GPR18: variants seen among roughly 807,000 people sequenced by gnomAD.
The protein encoded by GPR18 is G protein-coupled receptor 18, also known as N-arachidonyl glycine receptor.
Under a neutral mutation model 22.8 loss-of-function variants are expected in GPR18, and 20 were observed. The ratio of observed to expected loss-of-function variants is 0.88; its 90% CI spans 0.62 to 1.28. GPR18 has a LOEUF of 1.28. GPR18 is among the 50% of genes most tolerant of loss of function. GPR18 has a pLI of 0.00. For synonymous variants in GPR18, 160 were observed against 155.3 expected (o/e 1.03, Z -0.22); for missense variants, 379 against 412.0 (o/e 0.92, Z 0.69).
Position 99,255,161 on chromosome 13 carries a change from G to A in GPR18, c.712C>T (p.Leu238=), listed in dbSNP as rs1212467314. The A allele has an allele frequency of 2.5e-6, 4 of 1,613,996 alleles. No homozygotes were observed. In the African/African-American group the frequency reaches 5.3e-5, roughly 22 times the overall value. ...EKSIRIIITL[L]VQVLVCFMPF... is the part of the protein sequence containing the mutation. ...ATAAAGCAGACGAGCACCTGCACCA[G>A]CAGCGTGATGATGATCCTTATGGAC... The change falls in exon 2 of 2, where the codon CTG becomes TTG. Residue 238 remains leucine (L), a synonymous_variant. Coordinates refer to ENST00000397470, the MANE Select transcript of GPR18 (RefSeq NM_001098200.2).
chr13:99,258,207 T>C lies in GPR18; in HGVS notation c.-88A>G, dbSNP rs1650006879. 1 of 152,274 alleles carries C rather than the reference T, an allele frequency of 6.6e-6. No homozygotes were observed. The highest frequency in any genetic ancestry group is 2.4e-5 in the African/African-American group (1 of 41,480). 9.4% of individuals were successfully genotyped at this position (152,274 alleles called of 1,614,324 possible). A position where few individuals can be genotyped will look rare whatever the true frequency, so the allele number is the denominator to read the frequency against. Reference sequence around the variant, plus strand: ...GATGAGCATTTTTCAGCACTTCCACTTCTGTCGAAGGGATATCTTTGAGTT... The same window carrying C: ...GATGAGCATTTTTCAGCACTTCCACCTCTGTCGAAGGGATATCTTTGAGTT... On this transcript the variant is annotated 5_prime_UTR_variant, in exon 1 of 2. Coordinates refer to ENST00000397470, the MANE Select transcript of GPR18 (RefSeq NM_001098200.2).
chr13:99,257,481 T>C (rs1001840450), intron 1 of GPR18, among the ~76,000 whole-genome samples: 10 of 152,220 alleles, frequency 6.6e-5, no homozygotes, highest in Non-Finnish European at 1.5e-4. Flanking sequence ...TGAGTCTTTT[T>C]TCCCACGTTA....
In GPR18 at chr13:99,255,858, GTTC is replaced by G; in HGVS notation, c.12_14del (p.Asn6del). 1 of 1,565,976 alleles carries G rather than the reference GTTC, an allele frequency of 6.4e-7. No homozygotes were observed. Among genetic ancestry groups the G allele is most frequent in the South Asian group, 1.2e-5 (1 of 83,376 alleles). On this transcript the variant is annotated inframe_deletion, in exon 2 of 2. Transcript: ENST00000397470. Reference sequence around the variant, plus strand: ...TAAAAGGGACAGGTTGATCTTGATTGTTCAGGGTGATCATTTTACAGCTTGTTG... The same window carrying G: ...TAAAAGGGACAGGTTGATCTTGATTGAGGGTGATCATTTTACAGCTTGTTG...
intron 1 of GPR18, among the ~76,000 whole-genome samples, 172 bp from the exon 2 acceptor site, chr13:99,256,078 G>T (rs942317520): frequency 6.6e-6 from 1 of 152,184 alleles, no homozygotes; most frequent in Non-Finnish European, 1.5e-5. Context: ...ATTTGAGAGA[G>T]AATGGGAACT....
chr13:99,255,231 G>A lies in GPR18; in HGVS notation c.642C>T (p.Leu214=). The part of the protein sequence containing the change: ...IGCYLVIIHN[L]LHGRTSKLKP... Reference sequence around the variant, plus strand: ...TCAGCTTAGACGTCCTGCCGTGAAGGAGATTATGAATAATGACCAAGTAGC... The same window carrying A: ...TCAGCTTAGACGTCCTGCCGTGAAGAAGATTATGAATAATGACCAAGTAGC... The change falls in exon 2 of 2, where the codon CTC becomes CTT. Residue 214 remains leucine, a synonymous_variant. Transcript: ENST00000397470. The A allele has an allele frequency of 6.2e-7, 1 of 1,614,098 alleles. No homozygotes were observed. The highest frequency in any genetic ancestry group is 8.5e-7 in the Non-Finnish European group (1 of 1,180,016).
chr13:99,256,402 G>A (rs1461251653), intron 1 of GPR18: 1 of 152,196 alleles, frequency 6.6e-6, no homozygotes, highest in Non-Finnish European at 1.5e-5. Flanking sequence ...TCAAGAACTA[G>A]ACTGTTAGAG....
intron 1 of GPR18, 22 bp from the exon 2 acceptor site, chr13:99,255,928 A>G (rs2043547330): frequency 6.9e-7 from 1 of 1,457,170 alleles, no homozygotes; most frequent in African/African-American, 1.4e-5. Context: ...GTTAAGAAAA[A>G]TAAGAATAAA....
rs41279138 is a variant in GPR18 at position 99,255,314 on chromosome 13, G to A, written c.559C>T (p.Leu187=). 6.2e-7 allele frequency: 1 copy of A among 1,614,016 alleles called. No individual in the cohort carries two copies. Among genetic ancestry groups the A allele is most frequent in the Non-Finnish European group, 8.5e-7 (1 of 1,180,028 alleles). ...AAAAATGTCAGTCGAGTGAGGTTCA[G>A]CACGTTCACAGCTTTTAGATAGATG... is the stretch of plus-strand genomic sequence containing the variant. ...DIIYLKAVNV[L]NLTRLTFFFL... Residue 187 remains leucine (L), a synonymous_variant, in exon 2 of 2, where the codon CTG becomes TTG. Transcript: ENST00000397470.
chr13:99,255,370 G>C lies in GPR18; in HGVS notation c.503C>G (p.Thr168Ser). ...LLYKDPDKDS[T>S]PATCLKISDI... ...AGAAATCTTGAGGCAGGTGGCGGGA[G>C]TGGAGTCTTTATCTGGGTCTTTATA... The change falls in exon 2 of 2, where the codon ACT becomes AGT. Residue 168 changes from threonine (T) to serine (S), a missense_variant. Thr to Ser is a moderately conservative substitution (Grantham distance 58). Coordinates refer to ENST00000397470, the MANE Select transcript of GPR18 (RefSeq NM_001098200.2). 1 of 1,614,214 alleles carries C rather than the reference G, an allele frequency of 6.2e-7. No individual in the cohort carries two copies. Among genetic ancestry groups the C allele is most frequent in the South Asian group, 1.1e-5 (1 of 91,086 alleles).
chr13:99,255,187 T>C lies in GPR18; in HGVS notation c.686A>G (p.Lys229Arg). 6.2e-7 allele frequency: 1 copy of C among 1,614,138 alleles called. No individual in the cohort carries two copies. The highest frequency in any genetic ancestry group is 1.1e-5 in the South Asian group (1 of 91,086). ...CAGCGTGATGATGATCCTTATGGAC[T>C]TCTCCTTGACTTTGGGTTTCAGCTT... is the stretch of plus-strand genomic sequence containing the variant. ...TSKLKPKVKE[K>R]SIRIIITLLV... is the part of the protein sequence containing the mutation. The change falls in exon 2 of 2, where the codon AAG becomes AGG. Residue 229 changes from lysine to arginine, a missense_variant. By Grantham distance (26) the Lys-to-Arg change is conservative. Transcript: ENST00000397470.
chr13:99,255,169 A>T lies in GPR18; in HGVS notation c.704T>A (p.Ile235Asn). The stretch of plus-strand genomic sequence containing the variant: ...GACGAGCACCTGCACCAGCAGCGTG[A>T]TGATGATCCTTATGGACTTCTCCTT... ...KVKEKSIRII[I>N]TLLVQVLVCF... The change falls in exon 2 of 2, where the codon ATC becomes AAC. Residue 235 changes from isoleucine (I) to asparagine (N), a missense_variant. Coordinates refer to ENST00000397470, the MANE Select transcript of GPR18 (RefSeq NM_001098200.2). The T allele has an allele frequency of 6.2e-7, 1 of 1,614,138 alleles. No individual in the cohort carries two copies. Among genetic ancestry groups the T allele is most frequent in the Admixed American group, 1.7e-5 (1 of 60,004 alleles).
rs11838471 is a variant in GPR18 at position 99,257,291 on chromosome 13, A to C, written c.-35+863T>G. 3.7e-3 allele frequency among the ~76,000 whole-genome samples: 570 copies of C among 152,336 alleles called. 6 individuals are homozygous for C. Among genetic ancestry groups the C allele is most frequent in the South Asian group, 0.011 (52 of 4,826 alleles). On this transcript the variant is annotated intron_variant, in intron 1 of 1. Transcript: ENST00000397470. ...ATATCTCTAGTGTCATTCAAAGGAG[A>C]GTAATCTTGGAGGCTTAAATCTTAT...
At position 99,255,583 on chromosome 13, in the gene GPR18, A is replaced by G. The variant is rs2043537558; in HGVS notation, c.290T>C (p.Leu97Pro). The change falls in exon 2 of 2, where the codon CTT becomes CCT. Residue 97 changes from leucine (L) to proline (P), a missense_variant. Leu to Pro is a moderately conservative substitution (Grantham distance 98). Coordinates refer to ENST00000397470, the MANE Select transcript of GPR18 (RefSeq NM_001098200.2). Reference sequence around the variant, plus strand: ...TGGGTAAAACACTGTGAGAGCTCCAAGAATCTGGCAGAAGTACTCTCCAAA... The same window carrying G: ...TGGGTAAAACACTGTGAGAGCTCCAGGAATCTGGCAGAAGTACTCTCCAAA... ...WPFGEYFCQILGALTVFYPSI... is the reference protein window; with the variant it reads ...WPFGEYFCQIPGALTVFYPSI... The G allele has an allele frequency of 6.2e-7, 1 of 1,614,232 alleles. No homozygotes were observed. Among genetic ancestry groups the G allele is most frequent in the Non-Finnish European group, 8.5e-7 (1 of 1,180,036 alleles).
intron 1 of GPR18, among the ~76,000 whole-genome samples, 175 bp downstream of exon 1, chr13:99,257,979 A>C (rs1000090102): frequency 6.6e-6 from 1 of 152,224 alleles, no homozygotes; most frequent in African/African-American, 2.4e-5. Flanking sequence ...ACGGGGTCTC[A>C]CTATGGTGCT....
In GPR18 at chr13:99,255,147, G is replaced by C; in HGVS notation, c.726C>G (p.Leu242=). 6.2e-7 allele frequency: 1 copy of C among 1,614,038 alleles called. No individual in the cohort carries two copies. The highest frequency in any genetic ancestry group is 8.5e-7 in the Non-Finnish European group (1 of 1,180,016). The change falls in exon 2 of 2, where the codon CTC becomes CTG. Residue 242 remains leucine, a synonymous_variant. Coordinates refer to ENST00000397470, the MANE Select transcript of GPR18 (RefSeq NM_001098200.2). ...RIIITLLVQV[L]VCFMPFHICF... ...AGATGTGGAAGGGCATAAAGCAGACGAGCACCTGCACCAGCAGCGTGATGA... is the reference window on the plus strand; with the variant it reads ...AGATGTGGAAGGGCATAAAGCAGACCAGCACCTGCACCAGCAGCGTGATGA...
rs1368182355 is a variant in GPR18, at chr13:99,255,676, A to G, written c.197T>C (p.Leu66Ser). The G allele has an allele frequency of 2.5e-6, 4 of 1,613,936 alleles. No homozygotes were observed. The highest frequency in any genetic ancestry group is 3.4e-6 in the Non-Finnish European group (4 of 1,179,944). The change falls in exon 2 of 2, where the codon TTA (leucine) becomes TCA (serine). Residue 66 changes from leucine (L) to serine (S), a missense_variant. Transcript: ENST00000397470. ...TVTIYMMNVA[L>S]VDLIFIMTLP... ...AGTCATTATAAATATCAAGTCCACTAATGCCACATTCATCATATAGATGGT... is the reference window on the plus strand; with the variant it reads ...AGTCATTATAAATATCAAGTCCACTGATGCCACATTCATCATATAGATGGT...
Position 99,255,560 on chromosome 13 carries a change from G to A in GPR18, c.313C>T (p.Pro105Ser). The A allele has an allele frequency of 6.2e-7, 1 of 1,614,094 alleles. No individual in the cohort carries two copies. The highest frequency in any genetic ancestry group is 8.5e-7 in the Non-Finnish European group (1 of 1,180,010). ...QILGALTVFY[P>S]SIALWLLAFI... ...GCAAGAAGCCATAAAGCAATGCTTG[G>A]GTAAAACACTGTGAGAGCTCCAAGA... is the stretch of plus-strand genomic sequence containing the variant. The change falls in exon 2 of 2, where the codon CCA (proline) becomes TCA (serine). Residue 105 changes from proline to serine, a missense_variant. Physicochemically the swap from Pro to Ser is moderately conservative, Grantham distance 74 (BLOSUM62 -1). Transcript: ENST00000397470.
At position 99,255,013 on chromosome 13, in the gene GPR18, T is replaced by C. The variant is rs1275238828; in HGVS notation, c.860A>G (p.Tyr287Cys). The change falls in exon 2 of 2, where the codon TAC (tyrosine) becomes TGC (cysteine). Residue 287 changes from tyrosine (Y) to cysteine (C), a missense_variant. Coordinates refer to ENST00000397470, the MANE Select transcript of GPR18 (RefSeq NM_001098200.2). ...AGCCTGAAATTGTTTTGAAACGATG[T>C]AGTAGAGAATCACATCCAGACACGT... ...LSTCLDVILY[Y>C]IVSKQFQARV... 3 of 1,614,028 alleles carry C rather than the reference T, an allele frequency of 1.9e-6. No individual in the cohort carries two copies. Among genetic ancestry groups the C allele is most frequent in the Middle Eastern group, 1.6e-4 (1 of 6,084 alleles).
rs749880572 is a variant in GPR18, at chr13:99,255,796, A to G, written c.77T>C (p.Leu26Pro). 3.1e-6 allele frequency: 5 copies of G among 1,612,376 alleles called. No homozygotes were observed. In the East Asian group the frequency reaches 8.9e-5, roughly 29 times the overall value. ...TATGAAGATACAGCTATAGAAGACA[A>G]GGGCTGCAATTTTGTATTCATCTGG... Reference protein sequence around the residue: ...SHPDEYKIAALVFYSCIFIIG... With the variant: ...SHPDEYKIAAPVFYSCIFIIG... Residue 26 changes from leucine (L) to proline (P), a missense_variant, in exon 2 of 2, where the codon CTT becomes CCT. Physicochemically the swap from Leu to Pro is moderately conservative, Grantham distance 98. Coordinates refer to ENST00000397470, the MANE Select transcript of GPR18 (RefSeq NM_001098200.2).
Sources: gnomAD v4.1 joint callset for allele counts (sites outside exome capture counted in the v4.1 genomes callset) on GRCh38, gnomAD v4.1.1 for gene constraint, MANE v1.5 for transcripts, NCBI Gene and HGNC (gene_info 2026-07-23, HGNC 2026-07-21) for gene names.